Variants in NPHP4 observed in about 807,000 individuals in gnomAD.
NPHP4 encodes the protein nephrocystin 4.
NPHP4 carries 151 observed loss-of-function variants against 155.8 expected under a neutral mutation model. The observed-to-expected ratio is 0.97, with a 90% confidence interval of 0.85 to 1.11. NPHP4 has a LOEUF of 1.11. NPHP4 is among the 50% of genes least tolerant of loss of function. The pLI is 0.00. For missense variants in NPHP4, 1,956 were observed against 1,925.7 expected (o/e 1.02, Z -0.29); for synonymous variants, 845 against 816.8 (o/e 1.03, Z -0.59).
intron 29 of NPHP4, 72 bp from the exon 30 acceptor site, chr1:5,863,477 A>G (rs961018365): frequency 4.5e-6 from 7 of 1,550,086 alleles, no homozygotes; most frequent in East Asian, 2.3e-5. Flanking sequence ...ACCTCTCTGC[A>G]TGGTCGTGTT....
chr1:5,876,385 C>G (rs1415768751), intron 20 of NPHP4: 1 of 152,712 alleles, frequency 6.5e-6, no homozygotes, highest in Admixed American at 6.5e-5. Flanking sequence ...GGCCTCCTCA[C>G]CCCGTGTCTT....
At chr1:5,972,534 C>G (rs1339482808) in intron 3 of NPHP4, among the ~76,000 whole-genome samples, 1 of 152,192 alleles carries the variant, frequency 6.6e-6, no homozygotes, top group Non-Finnish European at 1.5e-5. Flanking sequence ...CTCTGCACTT[C>G]CAGCTCCTAA....
intron 11 of NPHP4, among the ~76,000 whole-genome samples, chr1:5,925,586 A>G (rs1468213125): frequency 6.6e-6 from 1 of 152,140 alleles, no homozygotes; most frequent in Non-Finnish European, 1.5e-5. Context: ...AAGATATCAG[A>G]TGTAAGCAGG....
In NPHP4 at chr1:5,867,877, C is replaced by T. The variant is rs755637892; in HGVS notation, c.3335G>A (p.Gly1112Asp). ...KHAKVLFRAS[G>D]GKPIAVLCLT... ...GCAGAGCACGGCGATGGGCTTGCCA[C>T]CACTCGCTCGGAACAAGACCTGTGA... The change falls in exon 24 of 30, where the codon GGT becomes GAT. Residue 1112 changes from glycine to aspartate, a missense_variant. Gly to Asp is a moderately conservative substitution (Grantham distance 94, BLOSUM62 -1). Transcript: ENST00000378156. This position sits in a 1 kb window ranked among gnomAD's most constrained non-coding sequence, Gnocchi z 4.1. 32 of 1,613,820 alleles carry T rather than the reference C, an allele frequency of 2.0e-5. No individual in the cohort carries two copies. Among genetic ancestry groups the T allele is most frequent in the Non-Finnish European group, 2.5e-5 (30 of 1,179,902 alleles).
chr1:5,875,209 C>G (rs997559513), intron 20 of NPHP4, 109 bp from the exon 21 acceptor site: 18 of 842,812 alleles, frequency 2.1e-5, no homozygotes, highest in Admixed American at 1.6e-4. Flanking sequence ...CATTTCTCCA[C>G]AAGCATCGCC....
chr1:5,883,770 C>A (rs971892141), intron 18 of NPHP4, among the ~76,000 whole-genome samples: 2 of 152,198 alleles, frequency 1.3e-5, no homozygotes, highest in Admixed American at 6.5e-5. Flanking sequence ...GGCCTCTGGT[C>A]CACCCACATC....
At chr1:5,864,750 G>A in intron 27 of NPHP4, 1 of 544,582 alleles carries the variant, frequency 1.8e-6, no homozygotes. Flanking sequence ...TGCCTCCGCA[G>A]ACAGAACTGA....
chr1:5,925,603 G>GT lies in NPHP4; in HGVS notation c.1441+2045dup, dbSNP rs981196505. Among the ~76,000 whole-genome samples the GT allele has an allele frequency of 1.1e-3, 169 of 151,246 alleles. 1 individual carries two copies. In the Middle Eastern group the frequency reaches 0.014, roughly 12 times the overall value. On this transcript the variant is annotated intron_variant, in intron 11 of 29. Coordinates refer to ENST00000378156, the MANE Select transcript of NPHP4 (RefSeq NM_015102.5). Reference sequence around the variant, plus strand: ...GATATCAGATGTAAGCAGGGAATGGGTTTTTTTTTGTTTGTTTTGTTTTGT... The same window carrying GT: ...GATATCAGATGTAAGCAGGGAATGGGTTTTTTTTTTGTTTGTTTTGTTTTGT...
At chr1:5,894,061 C>T (rs1644273946) in intron 16 of NPHP4, among the ~76,000 whole-genome samples, 3 of 152,196 alleles carry the variant, frequency 2.0e-5, no homozygotes, top group African/African-American at 7.2e-5. Context: ...TATATAAACA[C>T]ATCTAAGATC....
At chr1:5,865,953 C>T (rs12078643) in intron 26 of NPHP4, 4,844 of 221,332 alleles carry the variant, frequency 0.022, 167 homozygotes, top group African/African-American at 0.084. Context: ...GGAAAGGGGC[C>T]GGGTCATTTA....
At chr1:5,908,854 T>C (rs932357182) in intron 12 of NPHP4, among the ~76,000 whole-genome samples, 1 of 152,102 alleles carries the variant, frequency 6.6e-6, no homozygotes, top group Admixed American at 6.5e-5. Flanking sequence ...GCAAAGGCCG[T>C]CCAGTCCTGA....
rs141747994 is a variant in NPHP4, at chr1:5,921,905, C to A, written c.1441+5744G>T. Reference sequence around the variant, plus strand: ...ACCATTTACTGACTGCTACTCCTTGCGGTAAGCGGAGTAACTGCTGCCACC... The same window carrying A: ...ACCATTTACTGACTGCTACTCCTTGAGGTAAGCGGAGTAACTGCTGCCACC... On this transcript the variant is annotated intron_variant, in intron 11 of 29. Coordinates refer to ENST00000378156, the MANE Select transcript of NPHP4 (RefSeq NM_015102.5). Among the ~76,000 whole-genome samples the A allele has an allele frequency of 2.0e-5, 3 of 152,336 alleles. No individual in the cohort carries two copies. In the East Asian group the frequency reaches 5.8e-4, roughly 29 times the overall value.
intron 9 of NPHP4, among the ~76,000 whole-genome samples, chr1:5,946,134 G>A (rs1276719409): frequency 6.6e-6 from 1 of 152,086 alleles, no homozygotes; most frequent in African/African-American, 2.4e-5. Flanking sequence ...ACCGTGTAGG[G>A]GTCAGTACTA....
chr1:5,912,479 G>A (rs924002873), intron 11 of NPHP4, among the ~76,000 whole-genome samples: 4 of 150,536 alleles, frequency 2.7e-5, no homozygotes, highest in East Asian at 2.0e-4. Flanking sequence ...CGGAGCTTTC[G>A]GTGAGCCGAG....
intron 9 of NPHP4, among the ~76,000 whole-genome samples, chr1:5,936,214 C>T (rs1646529660): frequency 6.6e-6 from 1 of 152,136 alleles, no homozygotes; most frequent in Non-Finnish European, 1.5e-5. Context: ...TTAATAACAA[C>T]AACAAAAAAT....
intron 1 of NPHP4, 111 bp from the exon 2 acceptor site, chr1:5,986,438 A>C: frequency 3.5e-6 from 3 of 860,312 alleles, no homozygotes; most frequent in Non-Finnish European, 3.5e-6. Context: ...CCATCCCCCA[A>C]ACCCACACTC....
At chr1:5,982,892 T>C (rs1302090057) in intron 2 of NPHP4, among the ~76,000 whole-genome samples, 1 of 152,220 alleles carries the variant, frequency 6.6e-6, no homozygotes, top group Non-Finnish European at 1.5e-5. Context: ...TACTCTATAA[T>C]TTGGGTCCTT....
At chr1:5,896,116 A>G (rs1557677527) in intron 16 of NPHP4, among the ~76,000 whole-genome samples, 1 of 152,254 alleles carries the variant, frequency 6.6e-6, no homozygotes, top group African/African-American at 2.4e-5. Context: ...TTGAAAAAAC[A>G]AATCAGTAAA....
chr1:5,955,133 C>T (rs1281585441), intron 6 of NPHP4, among the ~76,000 whole-genome samples: 1 of 152,100 alleles, frequency 6.6e-6, no homozygotes, highest in Non-Finnish European at 1.5e-5. Context: ...GGAAACGATG[C>T]TCAGCCTCAC....
Sources: allele counts gnomAD v4.1 joint callset (sites outside exome capture counted in the v4.1 genomes callset), GRCh38; gene constraint gnomAD v4.1.1; non-coding constraint Gnocchi (gnomAD v3.1); transcripts MANE v1.5; gene names NCBI Gene and HGNC (gene_info 2026-07-23, HGNC 2026-07-21).